GALNTL6: variants seen among roughly 807,000 people sequenced by gnomAD.
GALNTL6 encodes the protein polypeptide N-acetylgalactosaminyltransferase-like 6.
In GALNTL6, 46 loss-of-function variants were observed where a neutral mutation model predicts 73.7. That is an observed-to-expected ratio of 0.62 (90% CI 0.49 to 0.80). The LOEUF (loss-of-function observed/expected upper bound fraction) is 0.80. GALNTL6 is among the 30% of genes least tolerant of loss of function. The probability of loss-of-function intolerance (pLI) is 0.00; values close to 1 mark genes in which losing one functional copy is unlikely to be tolerated. For missense variants in GALNTL6, 604 were observed against 755.0 expected (o/e 0.80, Z 2.34); for synonymous variants, 259 against 263.7 (o/e 0.98, Z 0.17).
intron 5 of GALNTL6, among the ~76,000 whole-genome samples, chr4:172,761,406 T>C (rs1738077969): frequency 1.3e-5 from 2 of 152,126 alleles, no homozygotes; most frequent in Admixed American, 1.3e-4. Context: ...AAACTATAGA[T>C]TGAGTATGAT....
intron 2 of GALNTL6, among the ~76,000 whole-genome samples, chr4:172,011,650 T>C (rs565143804): frequency 6.6e-6 from 1 of 152,152 alleles, no homozygotes; most frequent in Non-Finnish European, 1.5e-5. Flanking sequence ...TCCTATATTA[T>C]TTTTCCCTTA....
chr4:172,935,182 G>T (rs1748544882), intron 9 of GALNTL6, among the ~76,000 whole-genome samples: 1 of 152,188 alleles, frequency 6.6e-6, no homozygotes, highest in African/African-American at 2.4e-5. Flanking sequence ...TGCAGACTGT[G>T]AGTGGGGCAG....
intron 5 of GALNTL6, among the ~76,000 whole-genome samples, chr4:172,475,559 A>G (rs1185088294): frequency 6.6e-6 from 1 of 152,146 alleles, no homozygotes; most frequent in Non-Finnish European, 1.5e-5. Context: ...CTTTTTCGGC[A>G]TTTTCAATTT....
intron 9 of GALNTL6, 101 bp downstream of exon 9, chr4:172,931,369 G>A (rs1748330196): frequency 1.3e-6 from 1 of 749,054 alleles, no homozygotes; most frequent in Non-Finnish European, 2.5e-6. Context: ...GCTCTCCAGT[G>A]TACAGAGAGC....
At chr4:172,416,073 A>G (rs1338557098) in intron 5 of GALNTL6, among the ~76,000 whole-genome samples, 1 of 152,130 alleles carries the variant, frequency 6.6e-6, no homozygotes, top group African/African-American at 2.4e-5. Context: ...ACCCAGATCA[A>G]TTTGTATGAA....
intron 2 of GALNTL6, among the ~76,000 whole-genome samples, chr4:171,927,318 C>T (rs1405584398): frequency 1.3e-5 from 2 of 151,980 alleles, no homozygotes; most frequent in Non-Finnish European, 2.9e-5. Context: ...GAAGAAGAGT[C>T]AGCTTGCTAC....
intron 2 of GALNTL6, among the ~76,000 whole-genome samples, chr4:172,093,224 C>CT (rs1205909330): frequency 1.3e-5 from 2 of 152,310 alleles, no homozygotes; most frequent in East Asian, 3.9e-4. Flanking sequence ...TCTCAGTCAA[C>CT]TTTGACTACA....
chr4:172,831,965 G>A (rs142520159), intron 7 of GALNTL6, among the ~76,000 whole-genome samples: 29 of 152,314 alleles, frequency 1.9e-4, no homozygotes, highest in African/African-American at 7.0e-4. Flanking sequence ...AGAAATTAAT[G>A]TCTGTTGTGT....
chr4:171,864,893 A>C (rs1188255256), intron 2 of GALNTL6, among the ~76,000 whole-genome samples: 1 of 152,172 alleles, frequency 6.6e-6, no homozygotes, highest in Non-Finnish European at 1.5e-5. Context: ...AAGAGCCATA[A>C]GAGAAAAGAT....
At chr4:171,866,149 T>G (rs1735964750) in intron 2 of GALNTL6, among the ~76,000 whole-genome samples, 1 of 152,084 alleles carries the variant, frequency 6.6e-6, no homozygotes. Flanking sequence ...CAGCACTGAG[T>G]TAAGAAGAGG....
At chr4:172,350,364 T>C (rs9995549) in intron 5 of GALNTL6, among the ~76,000 whole-genome samples, 31,536 of 152,142 alleles carry the variant, frequency 0.21, 3,574 homozygotes, top group East Asian at 0.36. Context: ...TTGAAAATAC[T>C]GGCACCTACA....
chr4:172,358,028 T>C (rs1742230083), intron 5 of GALNTL6, among the ~76,000 whole-genome samples: 1 of 152,144 alleles, frequency 6.6e-6, no homozygotes, highest in Non-Finnish European at 1.5e-5. Context: ...TGAAAGTCTC[T>C]ATGAAAAAAA....
At chr4:171,824,077 T>TTTTATATATATATATATATATA (rs1301842709) in intron 2 of GALNTL6, among the ~76,000 whole-genome samples, 8 of 129,198 alleles carry the variant, frequency 6.2e-5, no homozygotes, top group Non-Finnish European at 8.0e-5. Flanking sequence ...CAAATCCATT[T>TTTTATATATATATATATATATA]TATATATATA....
chr4:172,475,258 C>G (rs1473002993), intron 5 of GALNTL6, among the ~76,000 whole-genome samples: 1 of 152,084 alleles, frequency 6.6e-6, no homozygotes, highest in African/African-American at 2.4e-5. Flanking sequence ...TCAATAATGT[C>G]TTTCTTCTTT....
chr4:172,637,601 C>T (rs1450870169), intron 5 of GALNTL6, among the ~76,000 whole-genome samples: 3 of 152,098 alleles, frequency 2.0e-5, no homozygotes. Flanking sequence ...AATAAGACTG[C>T]CTGTCAAATT....
chr4:172,511,263 T>A (rs1279620311), intron 5 of GALNTL6, among the ~76,000 whole-genome samples: 1 of 55,018 alleles, frequency 1.8e-5, no homozygotes, highest in African/African-American at 4.5e-5. Flanking sequence ...AATGATCTTT[T>A]GTGTTTCTGT....
intron 5 of GALNTL6, among the ~76,000 whole-genome samples, chr4:172,395,871 G>C (rs1244198971): frequency 6.6e-6 from 1 of 152,110 alleles, no homozygotes; most frequent in African/African-American, 2.4e-5. Context: ...CATACAACCT[G>C]ATACAGCCTC....
At chr4:172,569,774 G>A (rs1219560835) in intron 5 of GALNTL6, among the ~76,000 whole-genome samples, 2 of 151,932 alleles carry the variant, frequency 1.3e-5, no homozygotes, top group African/African-American at 4.8e-5. Flanking sequence ...CAGCAGCAAA[G>A]CTATCAAGGA....
chr4:172,007,359 A>T (rs1288620015), intron 2 of GALNTL6, among the ~76,000 whole-genome samples: 1 of 152,066 alleles, frequency 6.6e-6, no homozygotes, highest in East Asian at 1.9e-4. Context: ...TAGCTGACAT[A>T]TGGAGACATG....
Sources: allele counts gnomAD v4.1 joint callset (sites outside exome capture counted in the v4.1 genomes callset), GRCh38; gene constraint gnomAD v4.1.1; transcripts MANE v1.5; gene names NCBI Gene and HGNC (gene_info 2026-07-23, HGNC 2026-07-21).